Variants in SPOP observed in about 807,000 individuals in gnomAD.
SPOP encodes speckle-type POZ protein.
A neutral mutation model predicts 45.6 loss-of-function variants in SPOP; 11 were observed. The ratio of observed to expected loss-of-function variants is 0.24; its 90% confidence interval spans 0.15 to 0.40. The LOEUF (loss-of-function observed/expected upper bound fraction) is 0.40. SPOP is among the 10% of genes least tolerant of loss of function. The probability of loss-of-function intolerance (pLI) is 1.00; values close to 1 mark genes in which losing one functional copy is unlikely to be tolerated. For synonymous variants in SPOP, 166 were observed against 166.3 expected (o/e 1.00, Z 0.01); for missense variants, 152 against 465.6 (o/e 0.33, Z 6.20).
At chr17:49,662,730 T>G (rs1254761265) in intron 1 of SPOP, among the ~76,000 whole-genome samples, 1 of 152,162 alleles carries the variant, frequency 6.6e-6, no homozygotes, top group Non-Finnish European at 1.5e-5. Context: ...AAAACATTTC[T>G]GTTCAAAAGA....
chr17:49,670,056 C>T (rs1368070588), intron 1 of SPOP, among the ~76,000 whole-genome samples: 1 of 152,144 alleles, frequency 6.6e-6, no homozygotes, highest in Non-Finnish European at 1.5e-5. Context: ...TCTCCATGGT[C>T]AAGAAGGTGT....
intron 1 of SPOP, among the ~76,000 whole-genome samples, chr17:49,640,068 G>A (rs1043064737): frequency 6.6e-6 from 1 of 151,980 alleles, no homozygotes; most frequent in African/African-American, 2.4e-5. Flanking sequence ...TGGCCAACAT[G>A]GTGAAACACC....
At chr17:49,605,728 C>T (rs1365862976) in intron 8 of SPOP, among the ~76,000 whole-genome samples, 1 of 151,068 alleles carries the variant, frequency 6.6e-6, no homozygotes, top group Non-Finnish European at 1.5e-5. Context: ...TGGCTCACAC[C>T]TGTAATCCCA....
Position 49,600,326 on chromosome 17 carries a change from A to T in SPOP, c.*52T>A, listed in dbSNP as rs2071717156. ...GTCTACCTGGTGGTCAGTGGCAGCA[A>T]CAGTGGCTGCTGCTTCTGGAAATTA... On this transcript the variant is annotated 3_prime_UTR_variant, in exon 10 of 10. Coordinates refer to ENST00000504102, the MANE Select transcript of SPOP (RefSeq NM_001007228.2). This position sits in a 1 kb window ranked among gnomAD's most constrained non-coding sequence, Gnocchi z 4.2. The T allele has an allele frequency of 1.2e-6, 2 of 1,607,226 alleles. No homozygotes were observed. The highest frequency in any genetic ancestry group is 1.7e-6 in the Non-Finnish European group (2 of 1,175,406).
chr17:49,635,923 C>T (rs749668813), intron 1 of SPOP, among the ~76,000 whole-genome samples: 13 of 152,038 alleles, frequency 8.6e-5, no homozygotes, highest in East Asian at 7.8e-4. Context: ...TGTGAGCCAC[C>T]GCACCTGGTC....
intron 5 of SPOP, among the ~76,000 whole-genome samples, chr17:49,613,133 T>C (rs1017032783): frequency 2.6e-5 from 4 of 152,202 alleles, no homozygotes; most frequent in African/African-American, 9.6e-5. Context: ...AACCATCCCA[T>C]AGAGATTCTC....
In SPOP at chr17:49,622,868, C is replaced by T. The variant is rs552678071; in HGVS notation, c.-58G>A. The T allele has an allele frequency of 1.6e-5, 22 of 1,358,322 alleles. 1 individual carries two copies. In the South Asian group the frequency reaches 2.4e-4, roughly 15 times the overall value. The allele number at this position is 1,358,322 out of a possible 1,614,324, so 84.1% of individuals were successfully genotyped here. Reference sequence around the variant, plus strand: ...GTCAGGGGGCAAAGATTTCTGTTCCCTCTTCACCCTGGTCAGATCCAAGAA... The same window carrying T: ...GTCAGGGGGCAAAGATTTCTGTTCCTTCTTCACCCTGGTCAGATCCAAGAA... On this transcript the variant is annotated 5_prime_UTR_variant, in exon 2 of 10. Coordinates refer to ENST00000504102, the MANE Select transcript of SPOP (RefSeq NM_001007228.2).
At chr17:49,643,821 T>C (rs180986166) in intron 1 of SPOP, among the ~76,000 whole-genome samples, 160 of 151,782 alleles carry the variant, frequency 1.1e-3, no homozygotes, top group African/African-American at 3.6e-3. Flanking sequence ...TCCCAGCTAC[T>C]TGGGAGGCTG....
chr17:49,642,405 T>C (rs920927692), intron 1 of SPOP, among the ~76,000 whole-genome samples: 1 of 151,860 alleles, frequency 6.6e-6, no homozygotes, highest in Non-Finnish European at 1.5e-5. Context: ...AAAAATTAGC[T>C]GAGCATGCTG....
chr17:49,671,659 C>T (rs1369139908), intron 1 of SPOP, among the ~76,000 whole-genome samples: 1 of 152,080 alleles, frequency 6.6e-6, no homozygotes, highest in Non-Finnish European at 1.5e-5. Flanking sequence ...TTTCCTTACT[C>T]AGAAAAGTGT....
At chr17:49,656,343 A>G (rs1235127721) in intron 1 of SPOP, among the ~76,000 whole-genome samples, 2 of 152,224 alleles carry the variant, frequency 1.3e-5, no homozygotes, top group Non-Finnish European at 2.9e-5. Context: ...AGAGACTTCA[A>G]TGTATCCAGT....
intron 5 of SPOP, among the ~76,000 whole-genome samples, chr17:49,617,853 G>C (rs971905972): frequency 2.6e-5 from 4 of 151,492 alleles, no homozygotes; most frequent in Admixed American, 2.6e-4. Flanking sequence ...GAATCTGGGA[G>C]GCAGAGGTTG....
Position 49,642,485 on chromosome 17 carries a change from C to T in SPOP, c.-66-19609G>A, listed in dbSNP as rs184417736. ...CCAGCCTGGGTGACAGAGTGAGACT[C>T]TGTCTCAAAAAAAGAGAAAGTTCTT... is the stretch of plus-strand genomic sequence containing the variant. On this transcript the variant is annotated intron_variant, in intron 1 of 9. Coordinates refer to ENST00000504102, the MANE Select transcript of SPOP (RefSeq NM_001007228.2). Among the ~76,000 whole-genome samples the T allele has an allele frequency of 4.1e-4, 62 of 152,166 alleles. 1 individual carries two copies. The highest frequency in any genetic ancestry group is 1.5e-3 in the African/African-American group (61 of 41,542).
At chr17:49,645,031 T>C (rs888531030) in intron 1 of SPOP, among the ~76,000 whole-genome samples, 16 of 152,226 alleles carry the variant, frequency 1.1e-4, no homozygotes, top group African/African-American at 3.6e-4. Context: ...AATGGTAAAT[T>C]AGAAAAGCTA....
At chr17:49,651,481 G>C (rs2072842508) in intron 1 of SPOP, among the ~76,000 whole-genome samples, 1 of 152,124 alleles carries the variant, frequency 6.6e-6, no homozygotes, top group South Asian at 2.1e-4. Context: ...AGATAAATTT[G>C]CAACTCTATT....
chr17:49,624,180 T>C (rs761679417), intron 1 of SPOP, among the ~76,000 whole-genome samples: 1 of 152,108 alleles, frequency 6.6e-6, no homozygotes, highest in Non-Finnish European at 1.5e-5. Flanking sequence ...GGGTACAAAG[T>C]TGCAGATGGG....
intron 1 of SPOP, among the ~76,000 whole-genome samples, chr17:49,649,364 C>T (rs1316308445): frequency 6.6e-6 from 1 of 151,812 alleles, no homozygotes; most frequent in African/African-American, 2.4e-5. Flanking sequence ...TGGTGAAACC[C>T]CGTCTCTACT....
chr17:49,631,176 T>C (rs186567632), intron 1 of SPOP, among the ~76,000 whole-genome samples: 1 of 152,356 alleles, frequency 6.6e-6, no homozygotes, highest in East Asian at 1.9e-4. Flanking sequence ...TAAAAGGTTT[T>C]TCACTGTGGG....
At chr17:49,652,066 G>T (rs1331366459) in intron 1 of SPOP, among the ~76,000 whole-genome samples, 1 of 151,996 alleles carries the variant, frequency 6.6e-6, no homozygotes, top group African/African-American at 2.4e-5. Context: ...ACTACTACAG[G>T]TGGATCATCC....
Sources: allele counts gnomAD v4.1 joint callset (sites outside exome capture counted in the v4.1 genomes callset), GRCh38; gene constraint gnomAD v4.1.1; non-coding constraint Gnocchi (gnomAD v3.1); transcripts MANE v1.5; gene names NCBI Gene and HGNC (gene_info 2026-07-23, HGNC 2026-07-21).